Variants in ANKRD30BL observed in about 807,000 individuals in gnomAD.
The protein encoded by ANKRD30BL is putative ankyrin repeat domain-containing protein 30B-like.
ANKRD30BL carries 20 observed loss-of-function variants against 18.4 expected under a neutral mutation model. The observed-to-expected ratio is 1.09, with a 90% CI of 0.77 to 1.58. The LOEUF is 1.58. ANKRD30BL is among the 40% of genes most tolerant of loss of function. ANKRD30BL has a pLI of 0.00. For synonymous variants in ANKRD30BL, 72 were observed against 100.9 expected (o/e 0.71, Z 1.72); for missense variants, 224 against 268.6 (o/e 0.83, Z 1.16).
intron 1 of ANKRD30BL, among the ~76,000 whole-genome samples, chr2:132,211,136 G>C (rs868272845): frequency 2.6e-5 from 4 of 151,618 alleles, no homozygotes; most frequent in Non-Finnish European, 5.9e-5. Flanking sequence ...CATTTCTTTT[G>C]ATTTAGCTGC....
intron 3 of ANKRD30BL, chr2:132,155,873 T>C (rs2104924012): frequency 7.0e-6 from 1 of 143,212 alleles, no homozygotes; most frequent in South Asian, 2.2e-4. Flanking sequence ...CACTCCAGCC[T>C]GGTGACAGAG....
chr2:132,176,010 G>C (rs958299796), intron 1 of ANKRD30BL, among the ~76,000 whole-genome samples: 3 of 152,208 alleles, frequency 2.0e-5, no homozygotes, highest in African/African-American at 7.2e-5. Context: ...CATAGACACA[G>C]TAACAGTCTG....
chr2:132,204,728 T>C (rs974752987), intron 1 of ANKRD30BL, among the ~76,000 whole-genome samples: 3 of 152,142 alleles, frequency 2.0e-5, no homozygotes, highest in African/African-American at 7.2e-5. Flanking sequence ...AGTCAAGGTA[T>C]ATATACTCTA....
At chr2:132,184,825 T>G (rs1688536317) in intron 1 of ANKRD30BL, among the ~76,000 whole-genome samples, 1 of 152,036 alleles carries the variant, frequency 6.6e-6, no homozygotes, top group Non-Finnish European at 1.5e-5. Context: ...ATTCTTTTTT[T>G]TTTTTTGAGA....
intron 1 of ANKRD30BL, among the ~76,000 whole-genome samples, chr2:132,205,352 T>C (rs1029274151): frequency 6.7e-6 from 1 of 150,316 alleles, no homozygotes; most frequent in Non-Finnish European, 1.5e-5. Context: ...GGCTCATGCC[T>C]ATAATCCCAG....
In ANKRD30BL at chr2:132,216,431, T is replaced by C. The variant is rs1365011188; in HGVS notation, n.441+41098A>G. On this transcript the variant is annotated intron_variant and non_coding_transcript_variant, in intron 1 of 4. Transcript: ENST00000470729. ...TCATTCAACCCACAGAGTTGAATCT[T>C]ACTTTTGGTTGAGCAGTTTGGAAAC... is the stretch of plus-strand genomic sequence containing the variant. 1.3e-5 allele frequency among the ~76,000 whole-genome samples: 2 copies of C among 152,048 alleles called. 1 individual carries two copies. Among genetic ancestry groups the C allele is most frequent in the African/African-American group, 4.8e-5 (2 of 41,416 alleles).
intron 1 of ANKRD30BL, among the ~76,000 whole-genome samples, chr2:132,235,169 G>C (rs1031433623): frequency 6.6e-6 from 1 of 152,096 alleles, no homozygotes. Flanking sequence ...AATAAATTAG[G>C]TATTGATGGG....
rs185552134 is a variant in ANKRD30BL at position 132,194,393 on chromosome 2, G to T, written n.442-37247C>A. 2.7e-3 allele frequency among the ~76,000 whole-genome samples: 417 copies of T among 152,368 alleles called. 5 individuals carry two copies. The highest frequency in any genetic ancestry group is 9.5e-3 in the African/African-American group (396 of 41,594). On this transcript the variant is annotated intron_variant and non_coding_transcript_variant, in intron 1 of 4. Transcript: ENST00000470729. The stretch of plus-strand genomic sequence containing the variant: ...AATCAGACAGCATAAGTCAGCGACA[G>T]CCTGGCTTTAGCCTTCTGTCTCTGG...
In ANKRD30BL at chr2:132,221,091, G is replaced by A. The variant is rs1442394120; in HGVS notation, n.441+36438C>T. On this transcript the variant is annotated intron_variant and non_coding_transcript_variant, in intron 1 of 4. Coordinates refer to the ANKRD30BL transcript ENST00000470729. Reference sequence around the variant, plus strand: ...TGAGGAAACCCTCTGCCTGGCAACCGCCCCGTCTGAGAAGTGAGGAGCCCC... The same window carrying A: ...TGAGGAAACCCTCTGCCTGGCAACCACCCCGTCTGAGAAGTGAGGAGCCCC... Among the ~76,000 whole-genome samples the A allele has an allele frequency of 9.8e-3, 1,280 of 130,296 alleles. 7 individuals carry two copies. The highest frequency in any genetic ancestry group is 0.039 in the African/African-American group (1,138 of 29,498). The allele number at this position is 130,296 out of a possible 152,430, so 85.5% of individuals were successfully genotyped here. A position where few individuals can be genotyped will look rare whatever the true frequency, so the allele number is the denominator to read the frequency against.
chr2:132,171,192 C>T (rs368999098), intron 1 of ANKRD30BL, among the ~76,000 whole-genome samples: 20 of 150,646 alleles, frequency 1.3e-4, no homozygotes, highest in East Asian at 1.2e-3. Context: ...AGATTATTGA[C>T]ATGAAAATAA....
At chr2:132,200,585 A>G (rs1679077804) in intron 1 of ANKRD30BL, among the ~76,000 whole-genome samples, 2 of 152,184 alleles carry the variant, frequency 1.3e-5, no homozygotes, top group Admixed American at 6.5e-5. Flanking sequence ...TCGGACTTAC[A>G]AGGGATGTGA....
chr2:132,232,278 G>C lies in ANKRD30BL; in HGVS notation n.441+25251C>G, dbSNP rs186068773. Among the ~76,000 whole-genome samples, 8 of 152,246 alleles carry C rather than the reference G, an allele frequency of 5.3e-5. No homozygotes were observed. In the South Asian group the frequency reaches 1.5e-3, roughly 28 times the overall value. ...CTGGAAACTCTAAAATGCAGAACAC[G>C]TCTCCTCCTCCAAAGGAACGCAGTT... On this transcript the variant is annotated intron_variant and non_coding_transcript_variant, in intron 1 of 4. Coordinates refer to the ANKRD30BL transcript ENST00000470729.
At chr2:132,185,579 A>T (rs1440592146) in intron 1 of ANKRD30BL, among the ~76,000 whole-genome samples, 3 of 152,212 alleles carry the variant, frequency 2.0e-5, no homozygotes, top group African/African-American at 7.2e-5. Flanking sequence ...TGTGATGGTT[A>T]TTAAAGCAAG....
chr2:132,148,186 G>C lies in ANKRD30BL; in HGVS notation c.722C>G (p.Ala241Gly). 6.2e-7 allele frequency: 1 copy of C among 1,604,620 alleles called. No homozygotes were observed. Among genetic ancestry groups the C allele is most frequent in the Non-Finnish European group, 8.5e-7 (1 of 1,176,336 alleles). The change falls in exon 6 of 6, where the codon GCG (alanine) becomes GGG (glycine). Residue 241 changes from alanine (A) to glycine (G), a missense_variant. Ala to Gly is a moderately conservative substitution (Grantham distance 60). Around this residue, in one of 3 missense-constraint regions of ANKRD30BL, gnomAD observed 63 missense variants for 62.3 expected, o/e 1.01. Transcript: ENST00000409867. ...TTCAGCCGTGTCAGGTGTTCTTTCC[G>C]CCAAGGGTGCAGCCTCATCAGGTGT... ...EGTPDEAAPL[A>G]ERTPDTAESL...
intron 1 of ANKRD30BL, among the ~76,000 whole-genome samples, chr2:132,188,930 G>A (rs1678788358): frequency 6.6e-6 from 1 of 151,992 alleles, no homozygotes; most frequent in African/African-American, 2.4e-5. Context: ...GACTTGCAAG[G>A]GCCTCCAACT....
rs1679906804 is a variant in ANKRD30BL at position 132,228,448 on chromosome 2, G to A, written n.441+29081C>T. Among the ~76,000 whole-genome samples, 3 of 151,506 alleles carry A rather than the reference G, an allele frequency of 2.0e-5. No homozygotes were observed. In the South Asian group the frequency reaches 6.3e-4, roughly 32 times the overall value. ...AATATATTACCATAAAATCTAGATAGAATGAATCTGAGAAACTTCTTTGTG... is the reference window on the plus strand; with the variant it reads ...AATATATTACCATAAAATCTAGATAAAATGAATCTGAGAAACTTCTTTGTG... On this transcript the variant is annotated intron_variant and non_coding_transcript_variant, in intron 1 of 4. Coordinates refer to the ANKRD30BL transcript ENST00000470729.
At chr2:132,246,640 A>C (rs200685721) in intron 1 of ANKRD30BL, among the ~76,000 whole-genome samples, 1 of 151,884 alleles carries the variant, frequency 6.6e-6, no homozygotes, top group African/African-American at 2.4e-5. Flanking sequence ...GTATATCTTC[A>C]CATAAAAACT....
intron 1 of ANKRD30BL, among the ~76,000 whole-genome samples, chr2:132,212,566 G>A (rs1358313313): frequency 6.6e-6 from 1 of 151,464 alleles, no homozygotes; most frequent in Non-Finnish European, 1.5e-5. Flanking sequence ...TGAGCAACTT[G>A]GAAACTCTCT....
At chr2:132,217,951 C>G (rs62165482) in intron 1 of ANKRD30BL, among the ~76,000 whole-genome samples, 1 of 151,612 alleles carries the variant, frequency 6.6e-6, no homozygotes, top group African/African-American at 2.4e-5. Context: ...TATATCTTCA[C>G]ATAAACTCTA....
Sources: gnomAD v4.1 joint callset for allele counts (sites outside exome capture counted in the v4.1 genomes callset) on GRCh38, gnomAD v4.1.1 for gene constraint, gnomAD v4.1.1 regional missense constraint, MANE v1.5 for transcripts, NCBI Gene and HGNC (gene_info 2026-07-23, HGNC 2026-07-21) for gene names.